SLC24A2: variants seen among roughly 807,000 people sequenced by gnomAD.
The protein encoded by SLC24A2 is solute carrier family 24 member 2, also known as sodium/potassium/calcium exchanger 2.
SLC24A2 carries 36 observed loss-of-function variants against 62.0 expected under a neutral mutation model. The observed-to-expected ratio is 0.58, with a 90% CI of 0.44 to 0.77. SLC24A2 has a LOEUF of 0.77. Among genes scored for constraint, SLC24A2 ranks in the 30% least tolerant of loss-of-function variants. SLC24A2 has a pLI of 0.00. For missense variants in SLC24A2, 846 were observed against 817.9 expected (o/e 1.03, Z -0.42); for synonymous variants, 358 against 294.0 (o/e 1.22, Z -2.23).
intron 2 of SLC24A2, among the ~76,000 whole-genome samples, chr9:19,700,498 G>A (rs909333543): frequency 6.6e-6 from 1 of 152,090 alleles, no homozygotes; most frequent in Non-Finnish European, 1.5e-5. Context: ...TTTACGATGT[G>A]GACAAACAGC....
chr9:19,582,991 C>G (rs930074049), intron 5 of SLC24A2, among the ~76,000 whole-genome samples: 3 of 152,136 alleles, frequency 2.0e-5, no homozygotes, highest in Admixed American at 6.5e-5. Context: ...CTACCCTCCC[C>G]TCTCCGCCCC....
chr9:20,045,235 G>A, the SLC24A2 span, among the ~76,000 whole-genome samples: 27,781 of 152,062 alleles, frequency 0.18, 4,007 homozygotes, highest in East Asian at 0.68. Context: ...GGGGAAGACA[G>A]ACCTCACCAA....
At chr9:19,867,451 G>A in the SLC24A2 span, among the ~76,000 whole-genome samples, 1 of 152,122 alleles carries the variant, frequency 6.6e-6, no homozygotes, top group Non-Finnish European at 1.5e-5. Context: ...TATTTAAGTT[G>A]TCTAATTTGT....
At chr9:19,876,948 GA>G in the SLC24A2 span, among the ~76,000 whole-genome samples, 4 of 151,962 alleles carry the variant, frequency 2.6e-5, no homozygotes, top group African/African-American at 2.4e-5. Flanking sequence ...TTCATTAGGA[GA>G]AATATTTTCA....
At chr9:19,826,218 G>A in the SLC24A2 span, among the ~76,000 whole-genome samples, 1 of 150,160 alleles carries the variant, frequency 6.7e-6, no homozygotes, top group Non-Finnish European at 1.5e-5. Flanking sequence ...CATGGAAGAA[G>A]TGGCATTTAA....
the SLC24A2 span, among the ~76,000 whole-genome samples, chr9:20,211,519 GAAT>G: frequency 6.6e-6 from 1 of 151,944 alleles, no homozygotes; most frequent in Non-Finnish European, 1.5e-5. Context: ...TCTCAAAAAA[GAAT>G]AATAACAATA....
the SLC24A2 span, among the ~76,000 whole-genome samples, chr9:20,091,354 G>A: frequency 1.3e-5 from 2 of 151,994 alleles, no homozygotes; most frequent in Non-Finnish European, 2.9e-5. Context: ...GAAATACAGG[G>A]AACCCCTTGC....
the SLC24A2 span, among the ~76,000 whole-genome samples, chr9:20,286,333 G>A: frequency 2.6e-5 from 4 of 152,282 alleles, no homozygotes; most frequent in South Asian, 6.2e-4. Flanking sequence ...AGATGATGTG[G>A]CAGCTGTCAC....
At chr9:19,527,269 G>C (rs1034317197) in intron 9 of SLC24A2, among the ~76,000 whole-genome samples, 2 of 152,142 alleles carry the variant, frequency 1.3e-5, no homozygotes, top group Non-Finnish European at 2.9e-5. Context: ...GAGTTGCAGA[G>C]TCCTGGGTTA....
the SLC24A2 span, among the ~76,000 whole-genome samples, chr9:19,879,288 C>T: frequency 6.6e-6 from 1 of 152,080 alleles, no homozygotes; most frequent in African/African-American, 2.4e-5. Flanking sequence ...CGAGAGGAGA[C>T]TGATGGTGGT....
intron 2 of SLC24A2, among the ~76,000 whole-genome samples, chr9:19,624,770 T>C (rs1817992449): frequency 6.6e-6 from 1 of 152,158 alleles, no homozygotes; most frequent in Non-Finnish European, 1.5e-5. Context: ...TTTCCTTTTA[T>C]GTAGCCCTGT....
chr9:19,554,939 G>A (rs1835009241), intron 7 of SLC24A2, among the ~76,000 whole-genome samples: 1 of 152,160 alleles, frequency 6.6e-6, no homozygotes, highest in Admixed American at 6.5e-5. Context: ...CATTTGCTGA[G>A]CAGCCTGGGA....
chr9:19,988,717 G>A, the SLC24A2 span, among the ~76,000 whole-genome samples: 1 of 152,134 alleles, frequency 6.6e-6, no homozygotes, highest in East Asian at 1.9e-4. Context: ...TGCTTTTGTG[G>A]AAGTACCAAT....
chr9:19,840,733 A>T, the SLC24A2 span, among the ~76,000 whole-genome samples: 1 of 152,192 alleles, frequency 6.6e-6, no homozygotes, highest in Admixed American at 6.5e-5. Flanking sequence ...CCAATCAAGC[A>T]TACAACATTT....
the SLC24A2 span, among the ~76,000 whole-genome samples, chr9:19,900,741 T>C: frequency 6.6e-6 from 1 of 152,210 alleles, no homozygotes. Flanking sequence ...TCTATCATGA[T>C]CTTTATTGTT....
chr9:19,516,287 T>C lies in SLC24A2; in HGVS notation c.1852A>G (p.Ile618Val). The C allele has an allele frequency of 6.2e-7, 1 of 1,613,916 alleles. No individual in the cohort carries two copies. The highest frequency in any genetic ancestry group is 8.5e-7 in the Non-Finnish European group (1 of 1,179,988). ...CACTTGCAGAGGGCGATAGAGAGGATGACGAAGAGCAGCATGATGAAGAGA... is the reference window on the plus strand; with the variant it reads ...CACTTGCAGAGGGCGATAGAGAGGACGACGAAGAGCAGCATGATGAAGAGA... ...VLLFIMLLFV[I>V]LSIALCKWRM... Residue 618 changes from isoleucine to valine, a missense_variant, in exon 11 of 11, where the codon ATC (isoleucine) becomes GTC (valine). By Grantham distance (29) the Ile-to-Val change is conservative. Coordinates refer to ENST00000341998, the MANE Select transcript of SLC24A2 (RefSeq NM_020344.4).
Position 19,776,427 on chromosome 9 carries a change from G to A in SLC24A2, c.930+9510C>T, listed in dbSNP as rs186055916. On this transcript the variant is annotated intron_variant, in intron 2 of 10. Transcript: ENST00000341998. ...CAGAGTGTTGATGTAGTAAGTACCT[G>A]GTATTAAGCACTGCCTACTTTTCAA... 3.1e-3 allele frequency among the ~76,000 whole-genome samples: 468 copies of A among 152,262 alleles called. 2 individuals are homozygous for A. Among genetic ancestry groups the A allele is most frequent in the African/African-American group, 0.011 (447 of 41,558 alleles).
At chr9:19,687,389 A>G (rs1168049773) in intron 2 of SLC24A2, among the ~76,000 whole-genome samples, 1 of 152,100 alleles carries the variant, frequency 6.6e-6, no homozygotes, top group Non-Finnish European at 1.5e-5. Context: ...CTTAAAGTTT[A>G]TGAGCCATTA....
chr9:19,658,523 A>C (rs1819005382), intron 2 of SLC24A2, among the ~76,000 whole-genome samples: 1 of 152,232 alleles, frequency 6.6e-6, no homozygotes. Flanking sequence ...CCTATGAGGC[A>C]GGCACTGCTA....
Sources: allele counts gnomAD v4.1 joint callset (sites outside exome capture counted in the v4.1 genomes callset), GRCh38; gene constraint gnomAD v4.1.1; transcripts MANE v1.5; gene names NCBI Gene and HGNC (gene_info 2026-07-23, HGNC 2026-07-21).